The following STS variants were observed in gnomAD, a reference collection of about 807,000 sequenced individuals.
STS encodes the protein steryl-sulfatase.
Under a neutral mutation model 26.8 loss-of-function variants are expected in STS, and 7 were observed. That is an observed-to-expected ratio of 0.26 (90% CI 0.15 to 0.49). The LOEUF is 0.49. Ranked by LOEUF, STS falls within the 20% of genes least tolerant of loss-of-function variation. The pLI, the probability that STS is intolerant of heterozygous loss-of-function variation, is 0.98. For missense variants in STS, 434 were observed against 465.6 expected (o/e 0.93, Z 0.63); for synonymous variants, 199 against 189.4 (o/e 1.05, Z -0.42).
chrX:7,155,711 G>A (rs1369063656), intron 1 of STS, among the ~76,000 whole-genome samples: 1 of 111,995 alleles, frequency 8.9e-6, no homozygotes, highest in African/African-American at 3.2e-5. Flanking sequence ...ATTACAGTAG[G>A]TTCTCACTTG....
At chrX:7,177,674 G>A (rs958501201) in intron 1 of STS, among the ~76,000 whole-genome samples, 11 of 108,753 alleles carry the variant, frequency 1.0e-4, no homozygotes, top group Non-Finnish European at 1.7e-4. Flanking sequence ...CACCACACCC[G>A]GCTAATTTTT....
intron 8 of STS, among the ~76,000 whole-genome samples, chrX:7,315,104 C>T (rs1418379912): frequency 8.9e-6 from 1 of 112,020 alleles, no homozygotes; most frequent in Non-Finnish European, 1.9e-5. Flanking sequence ...TTTTTTCCCA[C>T]AGTAATACGC....
At chrX:7,226,963 G>T (rs1464632249) in intron 2 of STS, among the ~76,000 whole-genome samples, 1 of 111,736 alleles carries the variant, frequency 8.9e-6, no homozygotes, top group Non-Finnish European at 1.9e-5. Flanking sequence ...GTTTTTCGTT[G>T]TTTTGTTTTG....
chrX:7,152,236 G>A (rs1033104914), intron 1 of STS, among the ~76,000 whole-genome samples: 4 of 112,310 alleles, frequency 3.6e-5, no homozygotes, highest in Non-Finnish European at 7.5e-5. Flanking sequence ...ACAGGCGTGA[G>A]CCACCACGCC....
intron 8 of STS, among the ~76,000 whole-genome samples, chrX:7,306,406 G>A (rs1926219282): frequency 9.0e-6 from 1 of 111,489 alleles, no homozygotes; most frequent in Non-Finnish European, 1.9e-5. Flanking sequence ...AAAGGGGAGG[G>A]TGAATCACAG....
intron 10 of STS, among the ~76,000 whole-genome samples, chrX:7,340,577 G>A (rs769533170): frequency 6.2e-5 from 7 of 112,015 alleles, no homozygotes; most frequent in East Asian, 5.6e-4. Flanking sequence ...CTGTCTGCCC[G>A]ACAGTTTGTC....
At position 7,354,029 on chromosome X, in the gene STS, A is replaced by G. The variant is rs1279088339; in HGVS notation, c.*3768A>G. On this transcript the variant is annotated 3_prime_UTR_variant, in exon 11 of 11. Transcript: ENST00000674429. ...GCTCCTCAACCTTCTCCCAGGCCCA[A>G]TCTGGGCACTTCCTTGTAAAATCTA... 1 of 111,623 alleles carries G rather than the reference A, an allele frequency of 9.0e-6. No homozygotes were observed. The highest frequency in any genetic ancestry group is 1.9e-5 in the Non-Finnish European group (1 of 53,117). The allele number at this position is 111,623 out of a possible 1,213,427, so 9.2% of individuals were successfully genotyped here.
chrX:7,170,334 G>A (rs1325827745), intron 1 of STS, among the ~76,000 whole-genome samples: 1 of 111,267 alleles, frequency 9.0e-6, no homozygotes, highest in Non-Finnish European at 1.9e-5. Flanking sequence ...GGAGGGGTAC[G>A]GGGGGTGTCG....
chrX:7,255,878 T>TGCA (rs1320542934), intron 3 of STS, among the ~76,000 whole-genome samples: 7 of 112,382 alleles, frequency 6.2e-5, no homozygotes, highest in African/African-American at 9.7e-5. Context: ...TATGCATCAT[T>TGCA]GCAGCACTAC....
Position 7,165,705 on chromosome X carries a change from C to T in STS, c.-134+17622C>T, listed in dbSNP as rs150492224. Among the ~76,000 whole-genome samples, 623 of 111,934 alleles carry T rather than the reference C, an allele frequency of 5.6e-3. 3 individuals carry two copies. The highest frequency in any genetic ancestry group is 0.019 in the African/African-American group (594 of 30,820). On this transcript the variant is annotated intron_variant, in intron 1 of 10. Coordinates refer to ENST00000674429, the MANE Select transcript of STS (RefSeq NM_001320752.2). ...GCAAAGCTTCGACTTAATCAGGATT[C>T]TCTGCCTTGATACTATTGACATTTG...
intron 8 of STS, among the ~76,000 whole-genome samples, chrX:7,322,404 C>G (rs1344324884): frequency 1.8e-5 from 2 of 111,873 alleles, no homozygotes; most frequent in Non-Finnish European, 1.9e-5. Flanking sequence ...CTCTCTCTCT[C>G]TCTTTTTCTT....
intron 1 of STS, among the ~76,000 whole-genome samples, chrX:7,149,081 T>C (rs1360340343): frequency 9.0e-6 from 1 of 111,324 alleles, no homozygotes; most frequent in Non-Finnish European, 1.9e-5. Flanking sequence ...TAGGAGAATT[T>C]CAAGACTTTA....
intron 2 of STS, among the ~76,000 whole-genome samples, chrX:7,232,367 A>G (rs1425431468): frequency 8.9e-6 from 1 of 111,949 alleles, no homozygotes; most frequent in East Asian, 2.8e-4. Flanking sequence ...CACTTATAGG[A>G]CTTTATCCCC....
intron 2 of STS, among the ~76,000 whole-genome samples, chrX:7,210,537 TAATA>T (rs1237618751): frequency 9.3e-6 from 1 of 107,456 alleles, no homozygotes; most frequent in Non-Finnish European, 1.9e-5. Flanking sequence ...GTATAATAAA[TAATA>T]AACACTTAAT....
intron 3 of STS, among the ~76,000 whole-genome samples, chrX:7,256,147 A>T (rs1018036002): frequency 3.6e-5 from 4 of 112,174 alleles, no homozygotes; most frequent in Admixed American, 1.9e-4. Flanking sequence ...CAAGCCAGGC[A>T]GGGAGGAATG....
intron 8 of STS, among the ~76,000 whole-genome samples, chrX:7,311,017 G>A (rs1569221139): frequency 8.9e-6 from 1 of 111,993 alleles, no homozygotes. Context: ...TCAGTGCTAC[G>A]ATATTTGCTG....
chrX:7,315,644 G>A (rs750810923), intron 8 of STS, among the ~76,000 whole-genome samples: 2 of 111,511 alleles, frequency 1.8e-5, no homozygotes, highest in Non-Finnish European at 3.8e-5. Flanking sequence ...AGGTCCGAGA[G>A]CCCCTGGCAA....
intron 8 of STS, among the ~76,000 whole-genome samples, chrX:7,310,440 G>T (rs997654735): frequency 8.9e-6 from 1 of 111,964 alleles, no homozygotes; most frequent in Non-Finnish European, 1.9e-5. Flanking sequence ...TCAGCCTGGT[G>T]GGTGAGTCTT....
chrX:7,309,023 T>C (rs1200294890), intron 8 of STS, among the ~76,000 whole-genome samples: 1 of 111,802 alleles, frequency 8.9e-6, no homozygotes, highest in African/African-American at 3.3e-5. Context: ...CTTTTTTTTT[T>C]CCTTTTGAGA....
Sources: gnomAD v4.1 joint callset for allele counts (sites outside exome capture counted in the v4.1 genomes callset) on GRCh38, gnomAD v4.1.1 for gene constraint, MANE v1.5 for transcripts, NCBI Gene and HGNC (gene_info 2026-07-23, HGNC 2026-07-21) for gene names.